Variants in TNIP3 observed in about 807,000 individuals in gnomAD.
TNIP3 encodes the protein TNFAIP3-interacting protein 3.
A neutral mutation model predicts 54.1 loss-of-function variants in TNIP3; 34 were observed. The ratio of observed to expected loss-of-function variants is 0.63; its 90% confidence interval spans 0.48 to 0.84. The LOEUF is 0.84. TNIP3 is among the 40% of genes least tolerant of loss of function. The pLI, the probability that TNIP3 is intolerant of heterozygous loss-of-function variation, is 0.00. For synonymous variants in TNIP3, 134 were observed against 136.8 expected, an observed-to-expected ratio of 0.98 and a Z score of 0.14; for missense variants, 366 against 387.6, an observed-to-expected ratio of 0.94 and a Z score of 0.47.
At chr4:121,212,437 T>C (rs1190310786) in intron 2 of TNIP3, among the ~76,000 whole-genome samples, 1 of 152,202 alleles carries the variant, frequency 6.6e-6, no homozygotes, top group Non-Finnish European at 1.5e-5. Flanking sequence ...GAGAAGAAAC[T>C]TAGTCTATTG....
intron 3 of TNIP3, among the ~76,000 whole-genome samples, chr4:121,182,096 G>GT (rs1212631651): frequency 6.6e-6 from 1 of 151,938 alleles, no homozygotes; most frequent in Non-Finnish European, 1.5e-5. Context: ...GGATTACAGA[G>GT]TTTAAGAGTT....
At chr4:121,147,250 C>G in intron 6 of TNIP3, 76 bp from the exon 7 acceptor site, 3 of 1,518,394 alleles carry the variant, frequency 2.0e-6, no homozygotes, top group Non-Finnish European at 2.7e-6. Flanking sequence ...TTTTAAATGA[C>G]TGCTGCCTAC....
chr4:121,197,389 G>T (rs543178902), intron 2 of TNIP3, among the ~76,000 whole-genome samples: 1 of 151,956 alleles, frequency 6.6e-6, no homozygotes, highest in East Asian at 1.9e-4. Flanking sequence ...TTAGCTGGGC[G>T]TGGTGGCGGG....
At chr4:121,136,295 C>T (rs1486667134) in intron 10 of TNIP3, among the ~76,000 whole-genome samples, 1 of 152,142 alleles carries the variant, frequency 6.6e-6, no homozygotes, top group Non-Finnish European at 1.5e-5. Context: ...TTAGAGTCCC[C>T]TTCTCATTTT....
intron 9 of TNIP3, among the ~76,000 whole-genome samples, chr4:121,141,247 T>C (rs78666746): frequency 0.021 from 3,228 of 152,240 alleles, 76 homozygotes; most frequent in Admixed American, 0.034. Flanking sequence ...CTAATTCAGG[T>C]TGACTGTCCA....
intron 2 of TNIP3, among the ~76,000 whole-genome samples, chr4:121,209,347 T>G (rs1361408910): frequency 6.6e-6 from 1 of 152,250 alleles, no homozygotes; most frequent in Non-Finnish European, 1.5e-5. Flanking sequence ...GGGTGGTCAC[T>G]GGACTTATAA....
At chr4:121,176,368 T>C (rs1002078437) in intron 3 of TNIP3, among the ~76,000 whole-genome samples, 2 of 152,140 alleles carry the variant, frequency 1.3e-5, no homozygotes, top group African/African-American at 4.8e-5. Context: ...AATGCAACTT[T>C]TTTTTTTCTA....
chr4:121,132,945 C>A (rs1327471186), intron 10 of TNIP3, among the ~76,000 whole-genome samples: 3 of 152,078 alleles, frequency 2.0e-5, no homozygotes, highest in Non-Finnish European at 4.4e-5. Flanking sequence ...CTCTTGCTGG[C>A]ATTTTGGCTT....
At chr4:121,181,803 T>G (rs1365135084) in intron 3 of TNIP3, among the ~76,000 whole-genome samples, 3 of 152,128 alleles carry the variant, frequency 2.0e-5, no homozygotes, top group Non-Finnish European at 4.4e-5. Context: ...AACAAATTTA[T>G]GGATGCAAAT....
intron 2 of TNIP3, among the ~76,000 whole-genome samples, chr4:121,202,289 T>C (rs531963876): frequency 1.3e-5 from 2 of 152,030 alleles, no homozygotes; most frequent in Non-Finnish European, 2.9e-5. Flanking sequence ...TCTTTGACAA[T>C]GCAAACAAAA....
At chr4:121,148,155 C>A (rs989004432) in intron 6 of TNIP3, among the ~76,000 whole-genome samples, 1 of 152,184 alleles carries the variant, frequency 6.6e-6, no homozygotes, top group Admixed American at 6.5e-5. Flanking sequence ...TAGAATTAAA[C>A]ACTGGCAACA....
chr4:121,154,760 C>T (rs1560651144), intron 4 of TNIP3, 81 bp from the exon 5 acceptor site: 1 of 1,358,500 alleles, frequency 7.4e-7, no homozygotes, highest in Non-Finnish European at 9.8e-7. Context: ...GATATATCAG[C>T]CATGGCAGGC....
At chr4:121,132,752 T>G in intron 10 of TNIP3, 90 bp from the exon 11 acceptor site, 4 of 1,095,682 alleles carry the variant, frequency 3.7e-6, no homozygotes, top group Admixed American at 2.4e-5. Context: ...AGTTCCAGGA[T>G]GGCAAAAAAA....
In TNIP3 at chr4:121,192,823, G is replaced by A. The variant is rs555427776; in HGVS notation, c.69-10027C>T. 10 of 152,210 alleles carry A rather than the reference G, an allele frequency of 6.6e-5. No homozygotes were observed. The East Asian group carries it at 1.2e-3, about 18-fold the overall frequency. 9.4% of individuals were successfully genotyped at this position (152,210 alleles called of 1,614,324 possible). On this transcript the variant is annotated intron_variant, in intron 2 of 12. Coordinates refer to the TNIP3 transcript ENST00000507879. ...AAAATATGTAATGCTTCACAAATTTGCATTGCATCCTTTCATGTAGGCCGT... is the reference window on the plus strand; with the variant it reads ...AAAATATGTAATGCTTCACAAATTTACATTGCATCCTTTCATGTAGGCCGT...
At chr4:121,224,581 A>C (rs1227410260) in intron 1 of TNIP3, among the ~76,000 whole-genome samples, 2 of 152,120 alleles carry the variant, frequency 1.3e-5, no homozygotes, top group Non-Finnish European at 2.9e-5. Context: ...CTCTAATTAG[A>C]AATTCATCTT....
chr4:121,212,980 GA>G (rs200710043), intron 2 of TNIP3, among the ~76,000 whole-genome samples: 4 of 150,788 alleles, frequency 2.7e-5, no homozygotes, highest in African/African-American at 9.7e-5. Flanking sequence ...CCTTTTACGA[GA>G]AAAAAAAATG....
intron 3 of TNIP3, among the ~76,000 whole-genome samples, chr4:121,175,737 C>T (rs775496224): frequency 4.6e-5 from 7 of 152,198 alleles, no homozygotes; most frequent in Non-Finnish European, 7.3e-5. Flanking sequence ...TTATATTCCC[C>T]CCTTGCACCA....
rs963446387 is a variant in TNIP3, at chr4:121,134,961, G to A, written c.947-2299C>T. 2.6e-5 allele frequency among the ~76,000 whole-genome samples: 4 copies of A among 152,172 alleles called. No individual in the cohort carries two copies. The South Asian group carries it at 6.2e-4, about 24-fold the overall frequency. On this transcript the variant is annotated intron_variant, in intron 10 of 10. Coordinates refer to ENST00000057513, the MANE Select transcript of TNIP3 (RefSeq NM_024873.6). Reference sequence around the variant, plus strand: ...TCCTCTTCCCAGCCTGAAGGCTGTCGAAAGAGTGTTGTGTGTAGAGTGGTG... The same window carrying A: ...TCCTCTTCCCAGCCTGAAGGCTGTCAAAAGAGTGTTGTGTGTAGAGTGGTG...
intron 2 of TNIP3, among the ~76,000 whole-genome samples, chr4:121,188,189 C>A (rs1725120891): frequency 6.6e-6 from 1 of 152,086 alleles, no homozygotes; most frequent in South Asian, 2.1e-4. Context: ...CAGAAATCTC[C>A]TTCCTTCCTG....
Sources: gnomAD v4.1 joint callset for allele counts (sites outside exome capture counted in the v4.1 genomes callset) on GRCh38, gnomAD v4.1.1 for gene constraint, MANE v1.5 for transcripts, NCBI Gene and HGNC (gene_info 2026-07-23, HGNC 2026-07-21) for gene names.